The following EMID1 variants were observed in gnomAD, a reference collection of about 807,000 sequenced individuals.
EMID1 encodes the protein EMI domain containing 1, also known as EMI domain-containing protein 1.
In EMID1, 40 loss-of-function variants were observed where a neutral mutation model predicts 60.6. The ratio of observed to expected loss-of-function variants is 0.66; its 90% confidence interval spans 0.51 to 0.86. The LOEUF (loss-of-function observed/expected upper bound fraction) is 0.86. EMID1 is among the 40% of genes least tolerant of loss of function. The pLI is 0.00. For synonymous variants in EMID1, 242 were observed against 231.0 expected (o/e 1.05, Z -0.43); for missense variants, 585 against 597.1 (o/e 0.98, Z 0.21).
intron 1 of EMID1, among the ~76,000 whole-genome samples, chr22:29,214,407 C>T (rs1344169008): frequency 6.6e-6 from 1 of 152,148 alleles, no homozygotes; most frequent in Non-Finnish European, 1.5e-5. Flanking sequence ...GCAGAGGGCC[C>T]AGCACCAGCA....
intron 14 of EMID1, chr22:29,254,915 C>G (rs1037078216): frequency 5.0e-6 from 1 of 200,386 alleles, no homozygotes; most frequent in East Asian, 1.2e-4. Flanking sequence ...TCCCATAAGC[C>G]CCCAGAGGCT....
intron 7 of EMID1, chr22:29,232,009 G>A (rs1041840115): frequency 1.7e-6 from 1 of 594,140 alleles, no homozygotes; most frequent in East Asian, 2.8e-5. Context: ...CTTGCCCCAT[G>A]TGACCAGGGT....
chr22:29,224,335 C>T (rs1420026404), intron 3 of EMID1, among the ~76,000 whole-genome samples: 1 of 152,230 alleles, frequency 6.6e-6, no homozygotes, highest in African/African-American at 2.4e-5. Context: ...CTGAGGGGGG[C>T]AGTTGCCAGT....
At chr22:29,241,626 T>A (rs1442986906) in intron 12 of EMID1, among the ~76,000 whole-genome samples, 1 of 152,150 alleles carries the variant, frequency 6.6e-6, no homozygotes, top group Admixed American at 6.5e-5. Flanking sequence ...TGACCTCAGA[T>A]GATCCGCCCG....
intron 3 of EMID1, among the ~76,000 whole-genome samples, chr22:29,221,014 G>A (rs1159141275): frequency 2.6e-5 from 4 of 151,314 alleles, no homozygotes; most frequent in African/African-American, 9.7e-5. Context: ...TCCTGGAGGA[G>A]GTGACATGGG....
chr22:29,239,319 C>T (rs2041072411), intron 12 of EMID1, among the ~76,000 whole-genome samples: 1 of 115,096 alleles, frequency 8.7e-6, no homozygotes, highest in African/African-American at 4.3e-5. Flanking sequence ...AATGTAGAGG[C>T]AGGGTTTTAC....
Position 29,231,060 on chromosome 22 carries a change from C to A in EMID1, c.506C>A (p.Thr169Lys), listed in dbSNP as rs747944768. Residue 169 changes from threonine (T) to lysine (K), a missense_variant, in exon 6 of 15, where the codon ACA becomes AAA. Physicochemically the swap from Thr to Lys is moderately conservative, Grantham distance 78 (BLOSUM62 -1). Transcript: ENST00000334018. ...LTVIEQPVPP[T>K]PATPEDPAPL... is the part of the protein sequence containing the mutation. Reference sequence around the variant, plus strand: ...GTCATAGAGCAGCCAGTACCTCCAACACCAGCTACCCCTGAGGACCCTGCC... The same window carrying A: ...GTCATAGAGCAGCCAGTACCTCCAAAACCAGCTACCCCTGAGGACCCTGCC... 6 of 1,614,046 alleles carry A rather than the reference C, an allele frequency of 3.7e-6. No individual in the cohort carries two copies. The African/African-American group carries it at 4.0e-5, about 11-fold the overall frequency.
chr22:29,253,951 G>A (rs1324025548), intron 13 of EMID1: 1 of 985,338 alleles, frequency 1.0e-6, no homozygotes, highest in Non-Finnish European at 1.2e-6. Context: ...TTGCGGCCTT[G>A]TCAGAGAGCA....
At chr22:29,229,542 C>A (rs1416056091) in intron 5 of EMID1, among the ~76,000 whole-genome samples, 3 of 151,714 alleles carry the variant, frequency 2.0e-5, no homozygotes. Flanking sequence ...ACTAGGGAGG[C>A]CGAGGCAGGA....
chr22:29,244,219 T>A (rs2041245095), intron 13 of EMID1, among the ~76,000 whole-genome samples: 1 of 151,640 alleles, frequency 6.6e-6, no homozygotes, highest in Admixed American at 6.6e-5. Context: ...GGAGACAGAG[T>A]AAATGAGAAG....
At chr22:29,254,630 C>A in intron 14 of EMID1, 1 of 279,258 alleles carries the variant, frequency 3.6e-6, no homozygotes, top group South Asian at 3.9e-5. Context: ...TCCACTCCAG[C>A]AGTGGGATTG....
At chr22:29,241,264 G>C (rs930045771) in intron 12 of EMID1, among the ~76,000 whole-genome samples, 2 of 152,154 alleles carry the variant, frequency 1.3e-5, no homozygotes, top group African/African-American at 4.8e-5. Context: ...GTCTGGATTT[G>C]CCTCTCCAGC....
chr22:29,257,963 G>C (rs1397210449), intron 14 of EMID1, among the ~76,000 whole-genome samples: 2 of 152,188 alleles, frequency 1.3e-5, no homozygotes, highest in African/African-American at 2.4e-5. Flanking sequence ...TCAGCCCAGA[G>C]GTGCAGGGCA....
At chr22:29,234,412 G>A in intron 12 of EMID1, 63 bp downstream of exon 12, 1 of 1,572,542 alleles carries the variant, frequency 6.4e-7, no homozygotes, top group Non-Finnish European at 8.7e-7. Flanking sequence ...GATTCCTCCT[G>A]TGACTCCATC....
In EMID1 at chr22:29,233,375, C is replaced by T; in HGVS notation, c.824-4C>T. 6.2e-7 allele frequency: 1 copy of T among 1,614,048 alleles called. No homozygotes were observed. Among genetic ancestry groups the T allele is most frequent in the Non-Finnish European group, 8.5e-7 (1 of 1,179,902 alleles). On this transcript the variant is annotated splice_polypyrimidine_tract_variant and splice_region_variant and intron_variant, in intron 8 of 14. Coordinates refer to ENST00000334018, the MANE Select transcript of EMID1 (RefSeq NM_133455.4). Reference sequence around the variant, plus strand: ...CTACTCACTCATCATCTTTGCTCACCCAGGAGACCCATTGCTGTCCAACAC... The same window carrying T: ...CTACTCACTCATCATCTTTGCTCACTCAGGAGACCCATTGCTGTCCAACAC...
At chr22:29,251,861 C>T (rs958966270) in intron 13 of EMID1, among the ~76,000 whole-genome samples, 28 of 152,052 alleles carry the variant, frequency 1.8e-4, no homozygotes, top group Non-Finnish European at 3.5e-4. Flanking sequence ...GATGGGGTTT[C>T]ACCATGTTGG....
At chr22:29,247,462 C>T (rs892313931) in intron 13 of EMID1, among the ~76,000 whole-genome samples, 2 of 152,178 alleles carry the variant, frequency 1.3e-5, no homozygotes, top group African/African-American at 4.8e-5. Flanking sequence ...ATGGGATAGC[C>T]TACAACACAC....
intron 1 of EMID1, among the ~76,000 whole-genome samples, chr22:29,211,936 C>T (rs991104330): frequency 6.7e-6 from 1 of 150,282 alleles, no homozygotes; most frequent in Non-Finnish European, 1.5e-5. Context: ...TCTAAAGGGG[C>T]TTATGCCCCC....
At position 29,220,188 on chromosome 22, in the gene EMID1, G is replaced by A. The variant is rs145739771; in HGVS notation, c.319+4558G>A. Among the ~76,000 whole-genome samples the A allele has an allele frequency of 2.8e-3, 431 of 152,234 alleles. 1 individual carries two copies. The highest frequency in any genetic ancestry group is 7.7e-3 in the South Asian group (37 of 4,824). On this transcript the variant is annotated intron_variant, in intron 3 of 14. Transcript: ENST00000334018. Reference sequence around the variant, plus strand: ...CCCATACACGGCCTTGGCAGTGGCCGGCAAGTCGCTGCTCTGCCTGCAACC... The same window carrying A: ...CCCATACACGGCCTTGGCAGTGGCCAGCAAGTCGCTGCTCTGCCTGCAACC...
Sources: gnomAD v4.1 joint callset for allele counts (sites outside exome capture counted in the v4.1 genomes callset) on GRCh38, gnomAD v4.1.1 for gene constraint, MANE v1.5 for transcripts, NCBI Gene and HGNC (gene_info 2026-07-23, HGNC 2026-07-21) for gene names.